The following MND1 variants were observed in gnomAD, a reference collection of about 807,000 sequenced individuals.
MND1 encodes the protein meiotic nuclear division protein 1 homolog.
In MND1, 28 loss-of-function variants were observed where a neutral mutation model predicts 35.1. The ratio of observed to expected loss-of-function variants is 0.80; its 90% CI spans 0.59 to 1.09. The LOEUF is 1.09. Ranked by LOEUF, MND1 falls within the 50% of genes least tolerant of loss-of-function variation. The probability of loss-of-function intolerance (pLI) is 0.00; values close to 1 mark genes in which losing one functional copy is unlikely to be tolerated. For missense variants in MND1, 213 were observed against 239.6 expected, an observed-to-expected ratio of 0.89 and a Z score of 0.73; for synonymous variants, 69 against 70.5, an observed-to-expected ratio of 0.98 and a Z score of 0.11.
At chr4:153,397,783 A>G (rs1729239858) in intron 6 of MND1, among the ~76,000 whole-genome samples, 1 of 152,126 alleles carries the variant, frequency 6.6e-6, no homozygotes, top group East Asian at 1.9e-4. Flanking sequence ...GTGCCATTGC[A>G]CTCCAGCTAG....
intron 3 of MND1, among the ~76,000 whole-genome samples, chr4:153,357,354 T>C (rs1319576215): frequency 6.6e-6 from 1 of 152,188 alleles, no homozygotes; most frequent in Non-Finnish European, 1.5e-5. Context: ...CAGTTGACCC[T>C]GGAACAACAC....
At chr4:153,384,258 CTTTTTTTTTTTTTT>C (rs35214226) in intron 4 of MND1, among the ~76,000 whole-genome samples, 1 of 55,358 alleles carries the variant, frequency 1.8e-5, no homozygotes, top group Non-Finnish European at 3.3e-5. Flanking sequence ...CTACTTTCTG[CTTTTTTTTTTTTTT>C]TTTTTTTTTT....
At chr4:153,375,045 A>G (rs536633480) in intron 4 of MND1, among the ~76,000 whole-genome samples, 72 of 152,318 alleles carry the variant, frequency 4.7e-4, no homozygotes, top group African/African-American at 1.5e-3. Flanking sequence ...TATTGGAAAA[A>G]GTTATTTAAC....
chr4:153,344,749 T>C lies in MND1; in HGVS notation c.3+9T>C. 1 of 1,601,634 alleles carries C rather than the reference T, an allele frequency of 6.2e-7. No homozygotes were observed. Among genetic ancestry groups the C allele is most frequent in the Non-Finnish European group, 8.5e-7 (1 of 1,175,198 alleles). On this transcript the variant is annotated intron_variant, in intron 1 of 7. Coordinates refer to ENST00000240488, the MANE Select transcript of MND1 (RefSeq NM_032117.4). ...CCTGCGCCCGCGCCATGGTAAGGAC[T>C]GAGGCTACGGTCCCGCGTCTTCTTC...
chr4:153,387,450 T>C (rs377639243), intron 4 of MND1, among the ~76,000 whole-genome samples: 4 of 152,148 alleles, frequency 2.6e-5, no homozygotes, highest in African/African-American at 9.7e-5. Flanking sequence ...TATTAGAAGA[T>C]ACAAATTTTA....
chr4:153,393,928 T>TTTTC (rs1729124387), intron 4 of MND1, among the ~76,000 whole-genome samples: 1 of 131,506 alleles, frequency 7.6e-6, no homozygotes, highest in East Asian at 2.1e-4. Context: ...TGTTTTCTTT[T>TTTTC]TTTTTTTTTT....
chr4:153,360,606 G>A (rs9992482), intron 4 of MND1, among the ~76,000 whole-genome samples: 63,539 of 143,122 alleles, frequency 0.44, 15,844 homozygotes, highest in African/African-American at 0.71. Flanking sequence ...GTGTGTGTGT[G>A]TATATATATA....
At chr4:153,378,194 T>C (rs978860246) in intron 4 of MND1, among the ~76,000 whole-genome samples, 2 of 152,178 alleles carry the variant, frequency 1.3e-5, no homozygotes, top group African/African-American at 4.8e-5. Context: ...CCCTGGCCCA[T>C]ACCTTTTCTT....
intron 4 of MND1, among the ~76,000 whole-genome samples, chr4:153,375,644 A>G (rs1356065009): frequency 2.0e-5 from 3 of 152,122 alleles, no homozygotes; most frequent in Non-Finnish European, 2.9e-5. Flanking sequence ...GTGTACATGT[A>G]CACCAAGCAG....
chr4:153,346,316 A>G (rs1439407402), intron 1 of MND1, among the ~76,000 whole-genome samples: 1 of 152,214 alleles, frequency 6.6e-6, no homozygotes, highest in Non-Finnish European at 1.5e-5. Flanking sequence ...GGCTGTAGGA[A>G]TTCCATAACT....
rs903922698 is a variant in MND1 at position 153,365,598 on chromosome 4, C to CT, written c.276+6987dup. Among the ~76,000 whole-genome samples, 469 of 146,810 alleles carry CT rather than the reference C, an allele frequency of 3.2e-3. 1 individual carries two copies. The highest frequency in any genetic ancestry group is 0.01 in the African/African-American group (404 of 40,028). ...GAGAAGGCCTCAGAAAAGAGAGGATCTTTTTTTTTTTCTTTTTAAGAGATG... is the reference window on the plus strand; with the variant it reads ...GAGAAGGCCTCAGAAAAGAGAGGATCTTTTTTTTTTTTCTTTTTAAGAGATG... On this transcript the variant is annotated intron_variant, in intron 4 of 7. Coordinates refer to ENST00000240488, the MANE Select transcript of MND1 (RefSeq NM_032117.4).
intron 3 of MND1, among the ~76,000 whole-genome samples, chr4:153,356,025 C>T (rs1431012394): frequency 3.9e-5 from 6 of 152,080 alleles, no homozygotes; most frequent in Non-Finnish European, 7.4e-5. Context: ...AGTTGATAAG[C>T]TGGCTGGTAG....
intron 7 of MND1, among the ~76,000 whole-genome samples, chr4:153,410,120 C>T (rs1463465437): frequency 6.6e-6 from 1 of 152,178 alleles, no homozygotes; most frequent in African/African-American, 2.4e-5. Flanking sequence ...TAATACCTAC[C>T]TCCCATTTTG....
intron 3 of MND1, among the ~76,000 whole-genome samples, chr4:153,356,659 A>G (rs957655469): frequency 7.3e-5 from 11 of 151,496 alleles, no homozygotes; most frequent in African/African-American, 2.7e-4. Flanking sequence ...GTATCCTTGA[A>G]TTCTTTATTG....
Position 153,395,065 on chromosome 4 carries a change from G to T in MND1, c.351+729G>T, listed in dbSNP as rs543004283. Among the ~76,000 whole-genome samples the T allele has an allele frequency of 9.2e-5, 14 of 152,292 alleles. No homozygotes were observed. The East Asian group carries it at 2.7e-3, about 29-fold the overall frequency. ...GAAAACTTGTCACATAGTAGAAAGG[G>T]ATATAGCAAAGCTTTACAGTGGCTT... On this transcript the variant is annotated intron_variant, in intron 5 of 7. Transcript: ENST00000240488.
intron 2 of MND1, among the ~76,000 whole-genome samples, chr4:153,352,492 T>C (rs1773240032): frequency 6.6e-6 from 1 of 152,158 alleles, no homozygotes; most frequent in Non-Finnish European, 1.5e-5. Flanking sequence ...TTAAAGAAGA[T>C]GATAATAGTA....
chr4:153,348,772 A>G (rs1773136583), intron 1 of MND1, among the ~76,000 whole-genome samples: 1 of 152,074 alleles, frequency 6.6e-6, no homozygotes. Context: ...CAGCCTCCCA[A>G]AGTGCTGGGA....
intron 4 of MND1, among the ~76,000 whole-genome samples, chr4:153,368,105 T>C (rs151197629): frequency 9.2e-4 from 140 of 152,346 alleles, no homozygotes; most frequent in African/African-American, 3.2e-3. Context: ...AAATCTTAGT[T>C]ATGAATTTAG....
At chr4:153,380,530 G>A (rs578159440) in intron 4 of MND1, among the ~76,000 whole-genome samples, 2 of 152,188 alleles carry the variant, frequency 1.3e-5, no homozygotes, top group Non-Finnish European at 2.9e-5. Context: ...GGATCTAAGT[G>A]AAAAAAATTC....
Sources: allele counts gnomAD v4.1 joint callset (sites outside exome capture counted in the v4.1 genomes callset), GRCh38; gene constraint gnomAD v4.1.1; transcripts MANE v1.5; gene names NCBI Gene and HGNC (gene_info 2026-07-23, HGNC 2026-07-21).